CCDC57: variants seen among roughly 807,000 people sequenced by gnomAD.
CCDC57 encodes coiled-coil domain containing 57.
A neutral mutation model predicts 118.9 loss-of-function variants in CCDC57; 118 were observed. The observed-to-expected ratio is 0.99, with a 90% CI of 0.86 to 1.16. The LOEUF is 1.16. CCDC57 is among the 50% of genes most tolerant of loss of function. The pLI, the probability that CCDC57 is intolerant of heterozygous loss-of-function variation, is 0.00. For synonymous variants in CCDC57, 527 were observed against 532.9 expected (o/e 0.99, Z 0.15); for missense variants, 1,300 against 1,320.7 (o/e 0.98, Z 0.24).
intron 17 of CCDC57, 77 bp downstream of exon 16, chr17:82,133,996 C>A: frequency 7.9e-7 from 1 of 1,264,240 alleles, no homozygotes; most frequent in Non-Finnish European, 1.0e-6. Flanking sequence ...TTATTGTAAT[C>A]TGAAGTTTCT....
intron 17 of CCDC57, among the ~76,000 whole-genome samples, chr17:82,132,744 G>C (rs2038578851): frequency 6.9e-6 from 1 of 144,284 alleles, no homozygotes; most frequent in Non-Finnish European, 1.5e-5. Flanking sequence ...TTATCTTTCT[G>C]TAGAGACAAC....
chr17:82,152,896 G>A (rs937851105), intron 15 of CCDC57, among the ~76,000 whole-genome samples: 12 of 152,212 alleles, frequency 7.9e-5, no homozygotes, highest in African/African-American at 1.7e-4. Flanking sequence ...TGGGACGCTC[G>A]GGGGCCGCGG....
intron 16 of CCDC57, among the ~76,000 whole-genome samples, chr17:82,146,013 G>T (rs997553569): frequency 6.6e-6 from 1 of 152,236 alleles, no homozygotes; most frequent in African/African-American, 2.4e-5. Flanking sequence ...GTGAAGTGGC[G>T]GTCAGCTTGC....
At chr17:82,170,586 G>T (rs891279949) in intron 13 of CCDC57, among the ~76,000 whole-genome samples, 3 of 151,764 alleles carry the variant, frequency 2.0e-5, no homozygotes, top group Non-Finnish European at 4.4e-5. Flanking sequence ...CACGCAGGGG[G>T]AGAGTCCACA....
chr17:82,103,614 T>C (rs1052384031), intron 19 of CCDC57, among the ~76,000 whole-genome samples: 7 of 152,344 alleles, frequency 4.6e-5, no homozygotes, highest in Non-Finnish European at 1.0e-4. Context: ...GAGGCCTTGG[T>C]TGTCCCTCTG....
intron 19 of CCDC57, among the ~76,000 whole-genome samples, chr17:82,124,784 G>C (rs536244993): frequency 6.6e-6 from 1 of 151,918 alleles, no homozygotes; most frequent in African/African-American, 2.4e-5. Context: ...TGACAGAATG[G>C]GACACTGTCT....
chr17:82,172,757 T>C lies in CCDC57; in HGVS notation c.1610A>G (p.Gln537Arg). 1.2e-6 allele frequency: 2 copies of C among 1,611,808 alleles called. No homozygotes were observed. Among genetic ancestry groups the C allele is most frequent in the Middle Eastern group, 1.7e-4 (1 of 5,950 alleles). ...TAGAGCCTCCATTTCTTTCCTCATC[T>C]GGGCAATCGCGTTTCGCAAGCTCGT... is the stretch of plus-strand genomic sequence containing the variant. Residue 537 changes from glutamine (Q) to arginine (R), a missense_variant, in exon 12 of 20, where the codon CAG becomes CGG. Transcript: ENST00000665763. The surrounding 1 kb of genome is among the most constrained non-coding windows in gnomAD (Gnocchi z 5.2).
chr17:82,140,548 T>C (rs1030488246), intron 16 of CCDC57, among the ~76,000 whole-genome samples: 6 of 152,130 alleles, frequency 3.9e-5, no homozygotes, highest in Non-Finnish European at 5.9e-5. Flanking sequence ...CCGGCCTGAG[T>C]CCTCCAGAAT....
At chr17:82,128,002 G>A (rs894983154) in intron 18 of CCDC57, 94 bp from the exon 18 acceptor site, 16 of 1,512,448 alleles carry the variant, frequency 1.1e-5, no homozygotes, top group Non-Finnish European at 1.3e-5. Flanking sequence ...GCAGTAAGGC[G>A]ACAGTGGGCC....
chr17:82,199,658 G>A (rs948078196), intron 3 of CCDC57, among the ~76,000 whole-genome samples: 6 of 152,144 alleles, frequency 3.9e-5, no homozygotes, highest in African/African-American at 9.7e-5. Flanking sequence ...GCACCCGCAC[G>A]GCGGGCAAGT....
intron 19 of CCDC57, chr17:82,113,430 G>C (rs1244625833): frequency 1.4e-6 from 1 of 717,692 alleles, no homozygotes; most frequent in Non-Finnish European, 2.6e-6. Context: ...GGAGCAGGTA[G>C]TGAGAAACAA....
chr17:82,189,767 T>C (rs555258187), intron 7 of CCDC57, among the ~76,000 whole-genome samples: 2 of 151,286 alleles, frequency 1.3e-5, no homozygotes, highest in South Asian at 2.1e-4. Context: ...GCAGGAGAAT[T>C]GCTCGAACCC....
intron 19 of CCDC57, among the ~76,000 whole-genome samples, chr17:82,107,785 T>G (rs564357106): frequency 6.6e-6 from 1 of 152,320 alleles, no homozygotes; most frequent in South Asian, 2.1e-4. Context: ...GAGATGGGAC[T>G]CTGGGAGGGA....
chr17:82,103,395 A>C (rs543265857), intron 19 of CCDC57, among the ~76,000 whole-genome samples: 13 of 151,974 alleles, frequency 8.6e-5, no homozygotes, highest in South Asian at 8.3e-4. Flanking sequence ...TCCTCTTCAC[A>C]CAAAGGCTAC....
chr17:82,124,893 A>G (rs1347184620), intron 19 of CCDC57, among the ~76,000 whole-genome samples: 1 of 152,228 alleles, frequency 6.6e-6, no homozygotes, highest in Non-Finnish European at 1.5e-5. Context: ...AATGAACACG[A>G]ACGTCTCCAG....
At chr17:82,202,278 C>T (rs1338704516) in intron 2 of CCDC57, among the ~76,000 whole-genome samples, 6 of 152,168 alleles carry the variant, frequency 3.9e-5, no homozygotes, top group African/African-American at 1.4e-4. Context: ...ACCAGCCTGG[C>T]TAACATGGTG....
At chr17:82,117,935 C>T (rs1023647852) in intron 19 of CCDC57, among the ~76,000 whole-genome samples, 8 of 152,074 alleles carry the variant, frequency 5.3e-5, no homozygotes, top group Admixed American at 2.6e-4. Flanking sequence ...TCTGTGAGCA[C>T]GCAGGGCACA....
chr17:82,157,580 G>A (rs1242437641), intron 15 of CCDC57, 168 bp downstream of exon 14: 3 of 1,435,764 alleles, frequency 2.1e-6, no homozygotes, highest in Middle Eastern at 2.6e-4. Flanking sequence ...CGGAGGAATG[G>A]GGAGAGGGGG....
chr17:82,185,985 G>A (rs931659042), intron 8 of CCDC57, among the ~76,000 whole-genome samples: 9 of 152,032 alleles, frequency 5.9e-5, no homozygotes, highest in African/African-American at 2.2e-4. Flanking sequence ...CTATAGGTGA[G>A]CACCACCGTA....
Sources: allele counts gnomAD v4.1 joint callset (sites outside exome capture counted in the v4.1 genomes callset), GRCh38; gene constraint gnomAD v4.1.1; non-coding constraint Gnocchi (gnomAD v3.1); transcripts MANE v1.5; gene names NCBI Gene and HGNC (gene_info 2026-07-23, HGNC 2026-07-21).